KCNMA1: variants seen among roughly 807,000 people sequenced by gnomAD.
The protein encoded by KCNMA1 is potassium calcium-activated channel subfamily M alpha 1.
KCNMA1 carries 29 observed loss-of-function variants against 140.0 expected under a neutral mutation model. The observed-to-expected ratio is 0.21, with a 90% confidence interval of 0.15 to 0.28. The LOEUF is 0.28. Ranked by LOEUF, KCNMA1 falls within the 10% of genes least tolerant of loss-of-function variation. The pLI is 1.00. For missense variants in KCNMA1, 880 were observed against 1,602.2 expected (o/e 0.55, Z 7.70); for synonymous variants, 612 against 611.9 (o/e 1.00, Z 0.00).
At chr10:77,454,100 A>G (rs2097713413) in intron 1 of KCNMA1, among the ~76,000 whole-genome samples, 1 of 152,236 alleles carries the variant, frequency 6.6e-6, no homozygotes, top group South Asian at 2.1e-4. Context: ...TTATAGGAGT[A>G]CTAAGATATC....
chr10:77,272,361 C>A (rs1243517502), intron 2 of KCNMA1, among the ~76,000 whole-genome samples: 2 of 152,106 alleles, frequency 1.3e-5, no homozygotes, highest in African/African-American at 4.8e-5. Context: ...TATTCCAAAG[C>A]ACTTTCCATC....
chr10:77,283,760 A>G (rs957637122), intron 2 of KCNMA1, among the ~76,000 whole-genome samples: 3 of 152,216 alleles, frequency 2.0e-5, no homozygotes, highest in African/African-American at 7.2e-5. Flanking sequence ...AGCTGCTTTC[A>G]GGGAACTTAA....
intron 2 of KCNMA1, among the ~76,000 whole-genome samples, chr10:77,381,292 T>C (rs909075006): frequency 6.6e-6 from 1 of 152,106 alleles, no homozygotes; most frequent in Non-Finnish European, 1.5e-5. Context: ...TATAGTATAT[T>C]AGAGAATTAT....
chr10:77,571,029 A>G (rs2071073279), intron 1 of KCNMA1, among the ~76,000 whole-genome samples: 1 of 152,170 alleles, frequency 6.6e-6, no homozygotes, highest in Non-Finnish European at 1.5e-5. Flanking sequence ...CAATTGCTGA[A>G]GATCTTCAGT....
At chr10:77,087,106 C>T (rs902435737) in intron 10 of KCNMA1, among the ~76,000 whole-genome samples, 6 of 152,230 alleles carry the variant, frequency 3.9e-5, no homozygotes, top group East Asian at 3.9e-4. Context: ...AGGACAGAGG[C>T]GTTTGTCCCT....
chr10:77,214,561 T>C (rs925959698), intron 3 of KCNMA1, among the ~76,000 whole-genome samples: 1 of 152,176 alleles, frequency 6.6e-6, no homozygotes, highest in Non-Finnish European at 1.5e-5. Context: ...TCAACTGTCC[T>C]CCATAGCCAA....
chr10:77,616,921 C>G (rs1221210603), intron 1 of KCNMA1, among the ~76,000 whole-genome samples: 3 of 152,100 alleles, frequency 2.0e-5, no homozygotes, highest in African/African-American at 7.2e-5. Flanking sequence ...AGTGGCTTGC[C>G]CAAGATCCAA....
At chr10:77,514,227 C>A (rs2049469823) in intron 1 of KCNMA1, among the ~76,000 whole-genome samples, 1 of 152,232 alleles carries the variant, frequency 6.6e-6, no homozygotes, top group Admixed American at 6.5e-5. Context: ...AGCTGCTGCA[C>A]CCACAGGTGT....
intron 7 of KCNMA1, among the ~76,000 whole-genome samples, chr10:77,111,425 G>A (rs553198050): frequency 6.6e-6 from 1 of 152,284 alleles, no homozygotes; most frequent in African/African-American, 2.4e-5. Flanking sequence ...AGTAAGGTGG[G>A]GTCATCATCT....
intron 1 of KCNMA1, among the ~76,000 whole-genome samples, chr10:77,583,533 A>G (rs1285668017): frequency 6.6e-6 from 1 of 152,360 alleles, no homozygotes; most frequent in East Asian, 1.9e-4. Context: ...TAATTTTCTA[A>G]GATCTGAAAT....
At chr10:76,896,329 C>G (rs2042485462) in intron 25 of KCNMA1, among the ~76,000 whole-genome samples, 2 of 152,344 alleles carry the variant, frequency 1.3e-5, no homozygotes, top group South Asian at 4.1e-4. Context: ...CTGTTCCACC[C>G]AGCCCACAGG....
chr10:77,015,299 A>T (rs2091799748), intron 17 of KCNMA1, among the ~76,000 whole-genome samples: 1 of 151,940 alleles, frequency 6.6e-6, no homozygotes, highest in South Asian at 2.1e-4. Context: ...GGTCTATGAA[A>T]TGGCACACGA....
In KCNMA1 at chr10:77,173,398, C is replaced by T. The variant is rs114595633; in HGVS notation, c.808+10023G>A. ...CAGCAATTTATTTAACCTTCTGAAGCCTCAGTTTCCCCATCTGTAATATGG... is the reference window on the plus strand; with the variant it reads ...CAGCAATTTATTTAACCTTCTGAAGTCTCAGTTTCCCCATCTGTAATATGG... On this transcript the variant is annotated intron_variant, in intron 5 of 27. Coordinates refer to ENST00000286628, the MANE Select transcript of KCNMA1 (RefSeq NM_001161352.2). Among the ~76,000 whole-genome samples the T allele has an allele frequency of 1.2e-3, 187 of 152,210 alleles. 1 individual carries two copies. The highest frequency in any genetic ancestry group is 4.4e-3 in the African/African-American group (181 of 41,550).
chr10:77,306,501 T>C (rs1200156089), intron 2 of KCNMA1, among the ~76,000 whole-genome samples: 2 of 152,182 alleles, frequency 1.3e-5, no homozygotes, highest in Non-Finnish European at 1.5e-5. Flanking sequence ...TTGAGCCACA[T>C]GAGTATCAAA....
At chr10:77,281,826 C>G (rs528555152) in intron 2 of KCNMA1, among the ~76,000 whole-genome samples, 12 of 152,294 alleles carry the variant, frequency 7.9e-5, no homozygotes, top group African/African-American at 2.6e-4. Context: ...GTATTAAATG[C>G]TCAGAATAGA....
At chr10:77,614,332 TGAA>T (rs1291712755) in intron 1 of KCNMA1, among the ~76,000 whole-genome samples, 3 of 151,514 alleles carry the variant, frequency 2.0e-5, no homozygotes, top group East Asian at 1.9e-4. Flanking sequence ...CAGAAAGAAA[TGAA>T]GAAGATGTAT....
At chr10:77,380,950 C>T (rs2095362129) in intron 2 of KCNMA1, among the ~76,000 whole-genome samples, 1 of 152,176 alleles carries the variant, frequency 6.6e-6, no homozygotes, top group South Asian at 2.1e-4. Flanking sequence ...TCTCAGAATG[C>T]CAATATTTAC....
chr10:77,273,802 T>C (rs914388998), intron 2 of KCNMA1, among the ~76,000 whole-genome samples: 5 of 152,136 alleles, frequency 3.3e-5, no homozygotes, highest in African/African-American at 1.2e-4. Flanking sequence ...ATTTGTTGAT[T>C]TCTTACTATA....
rs556251535 is a variant in KCNMA1, at chr10:77,451,475, T to TACCA, written c.379-47456_379-47453dup. On this transcript the variant is annotated intron_variant, in intron 1 of 27. Transcript: ENST00000286628. The stretch of plus-strand genomic sequence containing the variant: ...CCAGGCGAGTAGGTGAGAAGGCATG[T>TACCA]ACCAACTCAAATCCCAGGTAGAAAG... 6.2e-4 allele frequency among the ~76,000 whole-genome samples: 94 copies of TACCA among 152,314 alleles called. 1 individual carries two copies. In the South Asian group the frequency reaches 0.018, roughly 29 times the overall value.
Sources: allele counts gnomAD v4.1 joint callset (sites outside exome capture counted in the v4.1 genomes callset), GRCh38; gene constraint gnomAD v4.1.1; transcripts MANE v1.5; gene names NCBI Gene and HGNC (gene_info 2026-07-23, HGNC 2026-07-21).